Variants in ATG7 observed in about 807,000 individuals in gnomAD.
ATG7 encodes the protein autophagy related 7.
In ATG7, 70 loss-of-function variants were observed where a neutral mutation model predicts 82.4. The observed-to-expected ratio is 0.85, with a 90% CI of 0.70 to 1.04. The LOEUF (loss-of-function observed/expected upper bound fraction) is 1.04. Among genes scored for constraint, ATG7 ranks in the 50% least tolerant of loss-of-function variants. ATG7 has a pLI of 0.00. For synonymous variants in ATG7, 287 were observed against 313.0 expected, an observed-to-expected ratio of 0.92 and a Z score of 0.88; for missense variants, 792 against 864.3, an observed-to-expected ratio of 0.92 and a Z score of 1.05.
At chr3:11,359,115 T>C (rs1166579682) in intron 15 of ATG7, among the ~76,000 whole-genome samples, 3 of 152,184 alleles carry the variant, frequency 2.0e-5, no homozygotes, top group Admixed American at 2.0e-4. Context: ...TATATAAACA[T>C]TGATATGTAT....
downstream of ATG7, chr3:11,559,416 G>T (rs866158596): frequency 6.4e-7 from 1 of 1,563,996 alleles, no homozygotes; most frequent in African/African-American, 1.4e-5. Context: ...TTGCAGTTGC[G>T]GGCGCCAGCC....
intron 19 of ATG7, among the ~76,000 whole-genome samples, chr3:11,400,613 C>G (rs553011478): frequency 1.3e-5 from 2 of 152,200 alleles, no homozygotes; most frequent in East Asian, 1.9e-4. Flanking sequence ...CCGCACCCCC[C>G]ACCCCAAAAT....
chr3:11,367,208 A>G (rs2076685294), intron 18 of ATG7, among the ~76,000 whole-genome samples: 1 of 152,058 alleles, frequency 6.6e-6, no homozygotes, highest in Non-Finnish European at 1.5e-5. Flanking sequence ...CATCGTTTCC[A>G]CGTTTCCACA....
intron 10 of ATG7, among the ~76,000 whole-genome samples, chr3:11,332,161 A>G (rs2606749): frequency 0.54 from 79,624 of 148,390 alleles, 21,906 homozygotes; most frequent in East Asian, 0.63. Flanking sequence ...TGAATAATAA[A>G]TTTAAGTATA....
intron 20 of ATG7, chr3:11,510,274 A>T (rs1421861942): frequency 4.4e-6 from 2 of 456,666 alleles, no homozygotes; most frequent in Non-Finnish European, 8.8e-6. Context: ...GTCCTGAAAT[A>T]GATCTCTACC....
intron 18 of ATG7, among the ~76,000 whole-genome samples, chr3:11,371,353 C>T (rs1339142601): frequency 6.6e-6 from 1 of 150,486 alleles, no homozygotes; most frequent in South Asian, 2.1e-4. Context: ...ACCTGCGAGA[C>T]AGCGAGTAAA....
At chr3:11,569,620 C>G in the ATG7 span, among the ~76,000 whole-genome samples, 2 of 152,268 alleles carry the variant, frequency 1.3e-5, no homozygotes, top group Non-Finnish European at 2.9e-5. Flanking sequence ...AGCCCCATCT[C>G]CAGCCCTTTC....
chr3:11,290,010 T>A (rs910596982), intron 3 of ATG7, among the ~76,000 whole-genome samples: 1 of 152,204 alleles, frequency 6.6e-6, no homozygotes, highest in African/African-American at 2.4e-5. Flanking sequence ...ACTCATATTG[T>A]CCCCATGTGT....
downstream of ATG7, chr3:11,558,127 C>T (rs995006372): frequency 9.0e-6 from 2 of 222,018 alleles, no homozygotes; most frequent in Non-Finnish European, 1.8e-5. Context: ...ACACATGGAC[C>T]GAACCAAACA....
intron 18 of ATG7, among the ~76,000 whole-genome samples, chr3:11,378,661 G>A (rs936502358): frequency 1.3e-4 from 16 of 121,728 alleles, no homozygotes; most frequent in African/African-American, 4.9e-4. Context: ...CTCCAGCCTG[G>A]GCGACAGAGT....
chr3:11,491,901 A>G (rs1435465591), intron 20 of ATG7, among the ~76,000 whole-genome samples: 1 of 152,184 alleles, frequency 6.6e-6, no homozygotes, highest in African/African-American at 2.4e-5. Context: ...TGCAGAGGTT[A>G]CTGCTGTCTT....
At chr3:11,573,271 GAAA>G in the ATG7 span, among the ~76,000 whole-genome samples, 6 of 25,488 alleles carry the variant, frequency 2.4e-4, no homozygotes, top group Non-Finnish European at 4.8e-4. Flanking sequence ...AAGAAAGAAA[GAAA>G]GAAAGAAAGA....
intron 20 of ATG7, among the ~76,000 whole-genome samples, chr3:11,512,626 G>A (rs1339613540): frequency 2.0e-5 from 3 of 152,144 alleles, no homozygotes; most frequent in Admixed American, 1.3e-4. Flanking sequence ...TGGTGGGTTC[G>A]TGGTCTCGCT....
At chr3:11,470,195 A>C (rs1222300210) in intron 20 of ATG7, among the ~76,000 whole-genome samples, 1 of 152,114 alleles carries the variant, frequency 6.6e-6, no homozygotes, top group Non-Finnish European at 1.5e-5. Flanking sequence ...CTTCAGCAGG[A>C]GTGTGGCACC....
chr3:11,547,642 G>A (rs956841751), intron 20 of ATG7, among the ~76,000 whole-genome samples: 11 of 152,164 alleles, frequency 7.2e-5, no homozygotes, highest in Non-Finnish European at 1.5e-5. Flanking sequence ...CAGCAGCAAC[G>A]TATGAAGGTT....
chr3:11,408,584 TAC>T (rs937265881), intron 19 of ATG7, among the ~76,000 whole-genome samples: 63 of 152,318 alleles, frequency 4.1e-4, no homozygotes, highest in African/African-American at 1.4e-3. Context: ...TTATTGGACT[TAC>T]AGTTCCACAT....
intron 18 of ATG7, among the ~76,000 whole-genome samples, chr3:11,369,747 A>T (rs1165137225): frequency 6.6e-6 from 1 of 151,160 alleles, no homozygotes; most frequent in African/African-American, 2.4e-5. Context: ...CTCAGATTGC[A>T]TCTCTTGTCC....
intron 3 of ATG7, among the ~76,000 whole-genome samples, chr3:11,284,243 T>A (rs1376428968): frequency 1.3e-5 from 2 of 152,214 alleles, no homozygotes; most frequent in Non-Finnish European, 2.9e-5. Context: ...CTATACTGGC[T>A]TGATTATTTG....
At chr3:11,420,578 C>T (rs1281508792) in intron 19 of ATG7, among the ~76,000 whole-genome samples, 2 of 152,002 alleles carry the variant, frequency 1.3e-5, no homozygotes, top group Non-Finnish European at 2.9e-5. Context: ...ACAGGCATAT[C>T]TTAGATTATG....
Sources: gnomAD v4.1 joint callset for allele counts (sites outside exome capture counted in the v4.1 genomes callset) on GRCh38, gnomAD v4.1.1 for gene constraint, MANE v1.5 for transcripts, NCBI Gene and HGNC (gene_info 2026-07-23, HGNC 2026-07-21) for gene names.